Variants in CBX1 observed in about 807,000 individuals in gnomAD.
CBX1 encodes chromobox 1, also known as chromobox protein homolog 1.
In CBX1, 10 loss-of-function variants were observed where a neutral mutation model predicts 25.1. The observed-to-expected ratio is 0.40, with a 90% CI of 0.25 to 0.68. The LOEUF (loss-of-function observed/expected upper bound fraction) is 0.68. Ranked by LOEUF, CBX1 falls within the 30% of genes least tolerant of loss-of-function variation. CBX1 has a pLI of 0.40. For missense variants in CBX1, 106 were observed against 218.5 expected, an observed-to-expected ratio of 0.49 and a Z score of 3.25; for synonymous variants, 63 against 79.4, an observed-to-expected ratio of 0.79 and a Z score of 1.10.
chr17:48,080,958 A>ATG, intron 1 of CBX1, among the ~76,000 whole-genome samples: 2 of 23,340 alleles, frequency 8.6e-5, no homozygotes, highest in Non-Finnish European at 1.4e-4. Context: ...AAAAATATAT[A>ATG]TATATATATA....
In CBX1 at chr17:48,100,661, C is replaced by G. The variant is rs2063403849; in HGVS notation, c.-38+607G>C. 3 of 911,286 alleles carry G rather than the reference C, an allele frequency of 3.3e-6. No homozygotes were observed. In the African/African-American group the frequency reaches 5.4e-5, roughly 16 times the overall value. 56.5% of individuals were successfully genotyped at this position (911,286 alleles called of 1,614,324 possible). A position where few individuals can be genotyped will look rare whatever the true frequency, so the allele number is the denominator to read the frequency against. The stretch of plus-strand genomic sequence containing the variant: ...CCCTACTTATCCTAACAGCTCCTCC[C>G]CTTCCAGAGTCAGGCCCAGCAAACG... On this transcript the variant is annotated intron_variant, in intron 1 of 4. Transcript: ENST00000225603.
At position 48,100,137 on chromosome 17, in the gene CBX1, C is replaced by CAAAA. The variant is rs543123998; in HGVS notation, c.-38+1127_-38+1130dup. The stretch of plus-strand genomic sequence containing the variant: ...CTGGGCAACAGAGGAAGACTCTTCT[C>CAAAA]AAAAAAAAAAAAAAAAAGAGGTAAA... On this transcript the variant is annotated intron_variant, in intron 1 of 4. Coordinates refer to ENST00000225603, the MANE Select transcript of CBX1 (RefSeq NM_001127228.2). 1.8e-3 allele frequency among the ~76,000 whole-genome samples: 102 copies of CAAAA among 56,890 alleles called. 2 individuals carry two copies. The highest frequency in any genetic ancestry group is 5.0e-3 in the African/African-American group (85 of 16,894). The allele number at this position is 56,890 out of a possible 152,430, so 37.3% of individuals were successfully genotyped here.
At chr17:48,074,129 C>T (rs748148236) in intron 4 of CBX1, among the ~76,000 whole-genome samples, 2 of 152,130 alleles carry the variant, frequency 1.3e-5, no homozygotes, top group Non-Finnish European at 2.9e-5. Flanking sequence ...TAAAGTTAGG[C>T]CCCTCCAGCC....
At chr17:48,090,249 A>C (rs372434540) in intron 1 of CBX1, among the ~76,000 whole-genome samples, 2 of 152,148 alleles carry the variant, frequency 1.3e-5, no homozygotes, top group East Asian at 3.9e-4. Flanking sequence ...GTAAGTACAA[A>C]AATCAGTTTT....
chr17:48,079,777 A>G (rs2037713902), intron 1 of CBX1, among the ~76,000 whole-genome samples: 1 of 152,156 alleles, frequency 6.6e-6, no homozygotes, highest in South Asian at 2.1e-4. Context: ...GACATAAGCC[A>G]TCACACCTGG....
At chr17:48,090,495 C>T (rs751796162) in intron 1 of CBX1, among the ~76,000 whole-genome samples, 5 of 152,018 alleles carry the variant, frequency 3.3e-5, no homozygotes, top group Non-Finnish European at 7.3e-5. Context: ...AAATATCTTC[C>T]AATTCATACT....
chr17:48,080,579 A>G (rs529593707), intron 1 of CBX1, among the ~76,000 whole-genome samples: 4 of 151,808 alleles, frequency 2.6e-5, no homozygotes, highest in African/African-American at 9.7e-5. Context: ...GTAATCATTA[A>G]GTTTTCTAAA....
rs60857566 is a variant in CBX1 at position 48,073,824 on chromosome 17, C to CAAAAA, written c.413+1177_413+1181dup. Among the ~76,000 whole-genome samples the CAAAAA allele has an allele frequency of 3.3e-4, 27 of 82,494 alleles. 1 individual carries two copies. Among genetic ancestry groups the CAAAAA allele is most frequent in the African/African-American group, 4.1e-4 (7 of 17,262 alleles). The allele number at this position is 82,494 out of a possible 152,430, so 54.1% of individuals were successfully genotyped here. ...CCTGGGCGAAAGAGTGAGACTGTCT[C>CAAAAA]AAAAAAAAAAAAAAAAAAAAAGACA... On this transcript the variant is annotated intron_variant, in intron 4 of 4. Transcript: ENST00000225603.
chr17:48,089,362 C>T (rs1354624070), intron 1 of CBX1, among the ~76,000 whole-genome samples: 1 of 150,572 alleles, frequency 6.6e-6, no homozygotes, highest in Non-Finnish European at 1.5e-5. Context: ...CGGCCTCCAA[C>T]AGTGCTGGAA....
At chr17:48,093,261 C>T (rs2063354443) in intron 1 of CBX1, among the ~76,000 whole-genome samples, 1 of 144,880 alleles carries the variant, frequency 6.9e-6, no homozygotes, top group Admixed American at 7.1e-5. Flanking sequence ...GGCAATAGAG[C>T]GAGACTCTGT....
At chr17:48,094,630 T>G (rs867789434) in intron 1 of CBX1, among the ~76,000 whole-genome samples, 1 of 146,030 alleles carries the variant, frequency 6.8e-6, no homozygotes, top group Non-Finnish European at 1.5e-5. Context: ...CTCAAGAAGC[T>G]GAGGCACGAT....
chr17:48,092,742 G>A (rs1318268176), intron 1 of CBX1, among the ~76,000 whole-genome samples: 1 of 151,674 alleles, frequency 6.6e-6, no homozygotes, highest in Non-Finnish European at 1.5e-5. Context: ...GTGAGCCACC[G>A]CACCCAGCTG....
chr17:48,098,486 C>T (rs1185363021), intron 1 of CBX1, among the ~76,000 whole-genome samples: 2 of 150,998 alleles, frequency 1.3e-5, no homozygotes, highest in African/African-American at 2.4e-5. Context: ...ACAAGAGGTG[C>T]GTCCCCATTT....
intron 1 of CBX1, among the ~76,000 whole-genome samples, chr17:48,092,627 T>C (rs556254067): frequency 3.3e-5 from 5 of 151,974 alleles, no homozygotes; most frequent in Admixed American, 1.3e-4. Context: ...CTAATTTTTC[T>C]ATTTTTAGTA....
chr17:48,093,000 G>A (rs1036317890), intron 1 of CBX1, among the ~76,000 whole-genome samples: 3 of 149,614 alleles, frequency 2.0e-5, no homozygotes, highest in African/African-American at 7.4e-5. Context: ...AACCCAGGAG[G>A]CAGAGGTTGC....
At chr17:48,093,560 G>C (rs2063356121) in intron 1 of CBX1, among the ~76,000 whole-genome samples, 2 of 152,184 alleles carry the variant, frequency 1.3e-5, no homozygotes, top group African/African-American at 2.4e-5. Flanking sequence ...AGGAACTGTT[G>C]TAAACAAAGG....
chr17:48,072,834 A>C (rs1178825529), intron 4 of CBX1, among the ~76,000 whole-genome samples: 2 of 151,872 alleles, frequency 1.3e-5, no homozygotes, highest in Non-Finnish European at 2.9e-5. Context: ...TAAGGGAATT[A>C]GGAGTAAACT....
chr17:48,090,194 G>A (rs753208616), intron 1 of CBX1, among the ~76,000 whole-genome samples: 8 of 152,000 alleles, frequency 5.3e-5, no homozygotes, highest in Non-Finnish European at 1.2e-4. Context: ...GAGTCACTGC[G>A]CCCGGCTATT....
chr17:48,072,748 A>T (rs1327762368), intron 4 of CBX1, among the ~76,000 whole-genome samples: 1 of 151,798 alleles, frequency 6.6e-6, no homozygotes, highest in African/African-American at 2.4e-5. Flanking sequence ...ATGCCACTGC[A>T]CTCCAGCCTG....
Sources: allele counts gnomAD v4.1 joint callset (sites outside exome capture counted in the v4.1 genomes callset), GRCh38; gene constraint gnomAD v4.1.1; transcripts MANE v1.5; gene names NCBI Gene and HGNC (gene_info 2026-07-23, HGNC 2026-07-21).